Variants in CSMD1 observed in about 807,000 individuals in gnomAD.
The protein encoded by CSMD1 is CUB and sushi domain-containing protein 1.
In CSMD1, 213 loss-of-function variants were observed where a neutral mutation model predicts 417.5. The observed-to-expected ratio is 0.51, with a 90% CI of 0.46 to 0.57. The LOEUF (loss-of-function observed/expected upper bound fraction) is 0.57. Ranked by LOEUF, CSMD1 falls within the 20% of genes least tolerant of loss-of-function variation. The probability of loss-of-function intolerance (pLI) is 0.00; values close to 1 mark genes in which losing one functional copy is unlikely to be tolerated. For missense variants in CSMD1, 6,923 were observed against 4,529.7 expected, an observed-to-expected ratio of 1.53 and a Z score of -15.17; for synonymous variants, 2,862 against 1,736.8, an observed-to-expected ratio of 1.65 and a Z score of -16.11.
chr8:3,461,809 C>T (rs17066197), intron 12 of CSMD1, among the ~76,000 whole-genome samples: 5,198 of 152,238 alleles, frequency 0.034, 163 homozygotes, highest in East Asian at 0.15. Flanking sequence ...TGATAGAACA[C>T]GGACAAGTCT....
At chr8:3,541,781 T>A (rs927855657) in intron 10 of CSMD1, among the ~76,000 whole-genome samples, 1 of 150,956 alleles carries the variant, frequency 6.6e-6, no homozygotes, top group Non-Finnish European at 1.5e-5. Flanking sequence ...ACTACAGCTG[T>A]TCTTTTTAAA....
At chr8:4,580,569 G>T (rs1799366136) in intron 2 of CSMD1, among the ~76,000 whole-genome samples, 1 of 152,088 alleles carries the variant, frequency 6.6e-6, no homozygotes, top group Non-Finnish European at 1.5e-5. Context: ...GTCTCATGAG[G>T]CTCCTCCTTT....
At chr8:4,181,768 A>G (rs924883431) in intron 3 of CSMD1, among the ~76,000 whole-genome samples, 5 of 152,214 alleles carry the variant, frequency 3.3e-5, no homozygotes, top group Non-Finnish European at 5.9e-5. Context: ...TGTCATTGAA[A>G]TATTACGTAT....
Position 4,332,552 on chromosome 8 carries a change from T to TACACAC in CSMD1, c.415+87395_415+87400dup, listed in dbSNP as rs368534632. Among the ~76,000 whole-genome samples, 774 of 128,766 alleles carry TACACAC rather than the reference T, an allele frequency of 6.0e-3. 8 individuals carry two copies. Among genetic ancestry groups the TACACAC allele is most frequent in the East Asian group, 0.016 (61 of 3,818 alleles). 84.5% of individuals were successfully genotyped at this position (128,766 alleles called of 152,430 possible). ...AATACCCTTCTGTCATGATATCACATACACACACACACACACACACACACA... is the reference window on the plus strand; with the variant it reads ...AATACCCTTCTGTCATGATATCACATACACACACACACACACACACACACACACACA... On this transcript the variant is annotated intron_variant, in intron 3 of 69. Coordinates refer to ENST00000635120, the MANE Select transcript of CSMD1 (RefSeq NM_033225.6).
intron 5 of CSMD1, among the ~76,000 whole-genome samples, chr8:3,917,999 T>A (rs1344181835): frequency 6.6e-6 from 1 of 152,174 alleles, no homozygotes; most frequent in East Asian, 1.9e-4. Context: ...TCTTCCCGAT[T>A]CACGCATGCT....
At chr8:4,946,517 G>A (rs991314540) in intron 1 of CSMD1, among the ~76,000 whole-genome samples, 3 of 152,094 alleles carry the variant, frequency 2.0e-5, no homozygotes, top group African/African-American at 4.8e-5. Flanking sequence ...CATCCCCCCA[G>A]CTGCCTCTAA....
intron 26 of CSMD1, among the ~76,000 whole-genome samples, chr8:3,234,825 G>T (rs536799468): frequency 4.4e-4 from 67 of 152,300 alleles, no homozygotes; most frequent in African/African-American, 1.6e-3. Flanking sequence ...TACCAAAGGG[G>T]TACCCTTCCT....
intron 64 of CSMD1, 72 bp downstream of exon 64, chr8:2,955,517 C>T (rs1802935195): frequency 1.6e-5 from 24 of 1,496,940 alleles, no homozygotes; most frequent in Non-Finnish European, 2.1e-5. Flanking sequence ...CACGTGGACA[C>T]TAGCCTGATG....
intron 23 of CSMD1, among the ~76,000 whole-genome samples, chr8:3,332,110 G>T (rs1178516709): frequency 1.3e-5 from 2 of 152,220 alleles, no homozygotes; most frequent in South Asian, 4.1e-4. Flanking sequence ...CGTAGGGATA[G>T]ATGATAGATG....
chr8:4,374,256 G>A (rs1046764406), intron 3 of CSMD1, among the ~76,000 whole-genome samples: 3 of 152,058 alleles, frequency 2.0e-5, no homozygotes, highest in African/African-American at 7.2e-5. Flanking sequence ...TAACGTGTGA[G>A]TTAATTTTTT....
intron 40 of CSMD1, among the ~76,000 whole-genome samples, chr8:3,149,666 C>T (rs193071808): frequency 5.5e-4 from 84 of 152,230 alleles, no homozygotes; most frequent in Middle Eastern, 3.4e-3. Flanking sequence ...TTAGTAGAGA[C>T]GGCGTTTCAT....
chr8:4,590,765 C>T (rs1244287336), intron 2 of CSMD1, among the ~76,000 whole-genome samples: 1 of 152,014 alleles, frequency 6.6e-6, no homozygotes, highest in East Asian at 1.9e-4. Flanking sequence ...TATCTGAGGA[C>T]ACTAGTAACT....
intron 1 of CSMD1, among the ~76,000 whole-genome samples, chr8:4,653,747 C>G (rs1804054388): frequency 6.6e-6 from 1 of 152,052 alleles, no homozygotes. Flanking sequence ...TATTCAAACA[C>G]ATTTGGTTGA....
At chr8:3,318,767 A>T (rs1185757732) in intron 23 of CSMD1, among the ~76,000 whole-genome samples, 2 of 152,112 alleles carry the variant, frequency 1.3e-5, no homozygotes, top group African/African-American at 4.8e-5. Context: ...GTTTCTGTGG[A>T]AGCCAGATCC....
intron 5 of CSMD1, among the ~76,000 whole-genome samples, chr8:3,925,806 T>A (rs771560651): frequency 6.6e-6 from 1 of 152,090 alleles, no homozygotes; most frequent in African/African-American, 2.4e-5. Flanking sequence ...TATGTCTTTA[T>A]CAGCAGCATT....
chr8:4,195,788 A>G lies in CSMD1; in HGVS notation c.416-163689T>C, dbSNP rs3860867. ...GTAGTGGATTCTGCACACAACCTGAATGAGCTTGGATGCACAGTCCTGCCC... is the reference window on the plus strand; with the variant it reads ...GTAGTGGATTCTGCACACAACCTGAGTGAGCTTGGATGCACAGTCCTGCCC... On this transcript the variant is annotated intron_variant, in intron 3 of 69. Transcript: ENST00000635120. Among the ~76,000 whole-genome samples the G allele has an allele frequency of 1.9e-3, 292 of 152,268 alleles. 7 individuals are homozygous for G. The East Asian group carries it at 0.045, about 23-fold the overall frequency.
In CSMD1 at chr8:4,315,717, G is replaced by A. The variant is rs1159414247; in HGVS notation, c.415+104236C>T. Among the ~76,000 whole-genome samples, 4 of 152,272 alleles carry A rather than the reference G, an allele frequency of 2.6e-5. No homozygotes were observed. The South Asian group carries it at 8.3e-4, about 32-fold the overall frequency. ...CATTGAAGTCATATTTGTAGGTATA[G>A]ATTGAGCTGTGCAAAAAAGAAACTG... On this transcript the variant is annotated intron_variant, in intron 3 of 69. Coordinates refer to ENST00000635120, the MANE Select transcript of CSMD1 (RefSeq NM_033225.6).
At chr8:3,340,422 T>C (rs1007297874) in intron 23 of CSMD1, among the ~76,000 whole-genome samples, 1 of 152,206 alleles carries the variant, frequency 6.6e-6, no homozygotes, top group Non-Finnish European at 1.5e-5. Context: ...TTACTCTCTG[T>C]TGACATTTTC....
At chr8:2,962,398 T>G in intron 61 of CSMD1, 68 bp downstream of exon 61, 2 of 1,397,316 alleles carry the variant, frequency 1.4e-6, no homozygotes, top group Non-Finnish European at 2.0e-6. Context: ...AATGACCCAA[T>G]TTCGGAATGA....
Sources: allele counts gnomAD v4.1 joint callset (sites outside exome capture counted in the v4.1 genomes callset), GRCh38; gene constraint gnomAD v4.1.1; transcripts MANE v1.5; gene names NCBI Gene and HGNC (gene_info 2026-07-23, HGNC 2026-07-21).